Variants in GREB1L observed in about 807,000 individuals in gnomAD.
The protein encoded by GREB1L is GREB1 like retinoic acid receptor coactivator.
GREB1L carries 17 observed loss-of-function variants against 200.8 expected under a neutral mutation model. That is an observed-to-expected ratio of 0.08 (90% CI 0.06 to 0.13). The LOEUF (loss-of-function observed/expected upper bound fraction) is 0.13. Among genes scored for constraint, GREB1L ranks in the 10% least tolerant of loss-of-function variants. GREB1L has a pLI of 1.00. For missense variants in GREB1L, 1,657 were observed against 2,367.7 expected, an observed-to-expected ratio of 0.70 and a Z score of 6.23; for synonymous variants, 789 against 893.0, an observed-to-expected ratio of 0.88 and a Z score of 2.08.
chr18:21,421,982 G>C (rs2032192373), intron 7 of GREB1L, among the ~76,000 whole-genome samples: 1 of 152,174 alleles, frequency 6.6e-6, no homozygotes, highest in Non-Finnish European at 1.5e-5. Context: ...ATGCCCTCAA[G>C]GAGCTGTATG....
At chr18:21,288,350 G>A (rs1028207467) in intron 1 of GREB1L, among the ~76,000 whole-genome samples, 15 of 152,088 alleles carry the variant, frequency 9.9e-5, no homozygotes, top group African/African-American at 3.6e-4. Context: ...CTCATTTCTG[G>A]TGTGAACACA....
chr18:21,294,168 G>A (rs2038492870), intron 1 of GREB1L, among the ~76,000 whole-genome samples: 1 of 152,150 alleles, frequency 6.6e-6, no homozygotes, highest in African/African-American at 2.4e-5. Context: ...TTGAAATGTG[G>A]CTCATGTGAC....
At chr18:21,365,249 C>G (rs542454484) in intron 1 of GREB1L, among the ~76,000 whole-genome samples, 2 of 151,982 alleles carry the variant, frequency 1.3e-5, no homozygotes, top group Admixed American at 1.3e-4. Flanking sequence ...TAGGAAAATC[C>G]TCTTTTGTTT....
intron 27 of GREB1L, among the ~76,000 whole-genome samples, chr18:21,510,890 T>C (rs2037213446): frequency 6.6e-6 from 1 of 152,196 alleles, no homozygotes; most frequent in Non-Finnish European, 1.5e-5. Flanking sequence ...TTGTTTTGCA[T>C]TCCCCTAATG....
chr18:21,393,589 C>T (rs371565848), intron 4 of GREB1L, among the ~76,000 whole-genome samples: 6 of 152,164 alleles, frequency 3.9e-5, no homozygotes, highest in Non-Finnish European at 7.3e-5. Flanking sequence ...CCACCATGTC[C>T]GGCTAATTTT....
rs760262511 is a variant in GREB1L, at chr18:21,439,630, A to G, written c.942A>G (p.Gly314=). The change falls in exon 8 of 33, where the codon GGA becomes GGG. Residue 314 remains glycine, a synonymous_variant. Coordinates refer to ENST00000424526, the MANE Select transcript of GREB1L (RefSeq NM_001142966.3). ...CACCACGACCTAGCTATGCATCAGG[A>G]GATCAAGGTACAATGCCTGTCGTAG... ...SLSPRPSYAS[G]DQATMFISGP... is the part of the protein sequence containing the mutation. 2.6e-6 allele frequency: 4 copies of G among 1,538,044 alleles called. No individual in the cohort carries two copies. Among genetic ancestry groups the G allele is most frequent in the Non-Finnish European group, 3.5e-6 (4 of 1,133,996 alleles).
rs577407216 is a variant in GREB1L at position 21,351,572 on chromosome 18, T to TA, written c.-119-14441dup. Reference sequence around the variant, plus strand: ...TGGGGAACAGAGTGAGACTTTGTCTTAAAAAAAAAAAAAAGGCACAGAGAT... The same window carrying TA: ...TGGGGAACAGAGTGAGACTTTGTCTTAAAAAAAAAAAAAAAGGCACAGAGAT... On this transcript the variant is annotated intron_variant, in intron 1 of 32. Coordinates refer to ENST00000424526, the MANE Select transcript of GREB1L (RefSeq NM_001142966.3). Among the ~76,000 whole-genome samples the TA allele has an allele frequency of 5.1e-3, 701 of 138,576 alleles. 1 individual carries two copies. The highest frequency in any genetic ancestry group is 0.014 in the Middle Eastern group (4 of 280). The allele number at this position is 138,576 out of a possible 152,430, so 90.9% of individuals were successfully genotyped here.
intron 2 of GREB1L, among the ~76,000 whole-genome samples, chr18:21,375,264 A>G (rs755773957): frequency 5.3e-5 from 8 of 151,078 alleles, no homozygotes; most frequent in Non-Finnish European, 1.0e-4. Context: ...GGGTTTCACC[A>G]TCTTGGCCAG....
At chr18:21,516,844 T>C (rs1455952994) in intron 30 of GREB1L, 90 bp downstream of exon 30, 10 of 1,220,142 alleles carry the variant, frequency 8.2e-6, no homozygotes. Flanking sequence ...AAGCACTTTC[T>C]ATTTTATTAG....
intron 13 of GREB1L, among the ~76,000 whole-genome samples, chr18:21,451,668 A>AT: frequency 6.6e-6 from 1 of 150,796 alleles, no homozygotes; most frequent in Non-Finnish European, 1.5e-5. Context: ...TAATTTTTTA[A>AT]TTTTTTGTAG....
intron 17 of GREB1L, among the ~76,000 whole-genome samples, chr18:21,484,899 T>G (rs1186143429): frequency 4.6e-5 from 7 of 152,088 alleles, no homozygotes; most frequent in South Asian, 2.1e-4. Flanking sequence ...TGTAAAAAAC[T>G]AATGTAGAAA....
chr18:21,484,035 CA>C (rs1377991919), intron 17 of GREB1L, among the ~76,000 whole-genome samples: 2 of 151,600 alleles, frequency 1.3e-5, no homozygotes, highest in Non-Finnish European at 2.9e-5. Context: ...CACTTCTAAC[CA>C]AATGTGCAGC....
chr18:21,372,150 CTT>C (rs1010758595), intron 2 of GREB1L, among the ~76,000 whole-genome samples: 41 of 139,366 alleles, frequency 2.9e-4, no homozygotes, highest in Admixed American at 2.9e-4. Flanking sequence ...ATTTGTCTCT[CTT>C]TTTTTTTTTT....
intron 1 of GREB1L, among the ~76,000 whole-genome samples, chr18:21,304,661 T>C (rs1469382571): frequency 2.0e-5 from 3 of 152,286 alleles, no homozygotes; most frequent in Non-Finnish European, 2.9e-5. Context: ...GGGAACCTAT[T>C]CTGGAGATAG....
chr18:21,260,021 AAATG>A (rs1446776007), intron 1 of GREB1L, among the ~76,000 whole-genome samples: 2 of 152,014 alleles, frequency 1.3e-5, no homozygotes, highest in African/African-American at 2.4e-5. Flanking sequence ...TTTAGAAAGA[AAATG>A]AATGAAAGCT....
intron 1 of GREB1L, among the ~76,000 whole-genome samples, chr18:21,261,957 C>T (rs1235805373): frequency 6.6e-6 from 1 of 151,640 alleles, no homozygotes; most frequent in Non-Finnish European, 1.5e-5. Context: ...TTACTTATGC[C>T]ATTCTTTAAT....
At chr18:21,432,733 G>A (rs1402342014) in intron 7 of GREB1L, among the ~76,000 whole-genome samples, 1 of 113,944 alleles carries the variant, frequency 8.8e-6, no homozygotes, top group Non-Finnish European at 1.7e-5. Context: ...TTGAGACAGT[G>A]TCTCGCTCTG....
chr18:21,477,003 AT>A (rs1022011160), intron 16 of GREB1L, among the ~76,000 whole-genome samples, 160 bp from the exon 17 acceptor site: 11 of 152,060 alleles, frequency 7.2e-5, no homozygotes, highest in Non-Finnish European at 1.6e-4. Flanking sequence ...AGGAATGTAA[AT>A]TTTTTTTCCT....
chr18:21,449,912 T>A, intron 12 of GREB1L, 76 bp downstream of exon 12: 2 of 1,139,378 alleles, frequency 1.8e-6, no homozygotes, highest in South Asian at 3.3e-5. Flanking sequence ...GTGTGTTATG[T>A]GTTTCAGGCA....
Sources: gnomAD v4.1 joint callset for allele counts (sites outside exome capture counted in the v4.1 genomes callset) on GRCh38, gnomAD v4.1.1 for gene constraint, MANE v1.5 for transcripts, NCBI Gene and HGNC (gene_info 2026-07-23, HGNC 2026-07-21) for gene names.